SAMMSON: variants seen among roughly 807,000 people sequenced by gnomAD.
SAMMSON encodes the protein long intergenic non-protein coding RNA 1212.
At chr3:70,119,378 T>C (rs896844956) in intron 4 of SAMMSON, among the ~76,000 whole-genome samples, 1 of 152,214 alleles carries the variant, frequency 6.6e-6, no homozygotes, top group Non-Finnish European at 1.5e-5. Context: ...GCTACTCTTA[T>C]TACATACAGT....
intron 6 of SAMMSON, among the ~76,000 whole-genome samples, chr3:70,278,771 G>A (rs72628621): frequency 0.065 from 9,871 of 152,012 alleles, 716 homozygotes; most frequent in East Asian, 0.35. Flanking sequence ...GTAATAACTA[G>A]GAGGCCTTAA....
Position 70,171,645 on chromosome 3 carries a change from C to T in SAMMSON, n.508-77462C>T, listed in dbSNP as rs138618946. On this transcript the variant is annotated intron_variant and non_coding_transcript_variant, in intron 4 of 9. Transcript: ENST00000642114. ...GGGGGAGCTTGACTCCCAGTTTTTA[C>T]TCAAATATGAATTATCTTCATTAAT... Among the ~76,000 whole-genome samples, 24 of 151,874 alleles carry T rather than the reference C, an allele frequency of 1.6e-4. 2 individuals carry two copies. The highest frequency in any genetic ancestry group is 4.8e-4 in the African/African-American group (20 of 41,488).
chr3:70,242,689 G>T (rs1407090727), intron 4 of SAMMSON, among the ~76,000 whole-genome samples: 2 of 152,164 alleles, frequency 1.3e-5, no homozygotes, highest in Non-Finnish European at 2.9e-5. Context: ...ATCTATCGAA[G>T]ATAGCAACTT....
chr3:70,149,587 C>T (rs2067563180), intron 4 of SAMMSON, among the ~76,000 whole-genome samples: 1 of 152,068 alleles, frequency 6.6e-6, no homozygotes, highest in African/African-American at 2.4e-5. Context: ...CTGATGCAAG[C>T]TAAGGTTTGG....
intron 7 of SAMMSON, among the ~76,000 whole-genome samples, chr3:70,350,498 T>G (rs1702786493): frequency 6.6e-6 from 1 of 152,100 alleles, no homozygotes; most frequent in African/African-American, 2.4e-5. Context: ...CATGAACCCT[T>G]TATGATACAA....
intron 4 of SAMMSON, among the ~76,000 whole-genome samples, chr3:70,079,248 C>A (rs2067259405): frequency 6.6e-6 from 1 of 152,176 alleles, no homozygotes; most frequent in Non-Finnish European, 1.5e-5. Flanking sequence ...GTGCTGGAAT[C>A]ACCCAAAACT....
intron 7 of SAMMSON, among the ~76,000 whole-genome samples, chr3:70,301,000 A>T (rs55857676): frequency 0.21 from 31,268 of 151,950 alleles, 3,398 homozygotes; most frequent in South Asian, 0.28. Context: ...CCCTTGGAAA[A>T]GTGAACTCCT....
intron 3 of SAMMSON, among the ~76,000 whole-genome samples, chr3:70,016,008 G>T (rs1227258293): frequency 6.6e-6 from 1 of 152,292 alleles, no homozygotes; most frequent in Non-Finnish European, 1.5e-5. Flanking sequence ...GTTGTGAATA[G>T]TGCCGCAATA....
chr3:70,177,676 C>T (rs1355781157), intron 4 of SAMMSON, among the ~76,000 whole-genome samples: 1 of 152,138 alleles, frequency 6.6e-6, no homozygotes, highest in Non-Finnish European at 1.5e-5. Context: ...AATTGCTTTA[C>T]ATGCACAATC....
chr3:70,429,667 T>A (rs1701398264), intron 2 of SAMMSON, among the ~76,000 whole-genome samples: 1 of 152,222 alleles, frequency 6.6e-6, no homozygotes, highest in Non-Finnish European at 1.5e-5. Flanking sequence ...TAGTTCTCTT[T>A]GAAGAGGTCC....
At chr3:70,299,151 G>A (rs1382562717) in intron 7 of SAMMSON, among the ~76,000 whole-genome samples, 1 of 152,046 alleles carries the variant, frequency 6.6e-6, no homozygotes, top group Non-Finnish European at 1.5e-5. Context: ...ATAGGTAATT[G>A]GTTACATATA....
intron 9 of SAMMSON, among the ~76,000 whole-genome samples, chr3:70,366,016 C>G (rs1161101768): frequency 5.8e-5 from 1 of 17,232 alleles, no homozygotes; most frequent in Non-Finnish European, 1.2e-4. Flanking sequence ...CGGAGTCTCG[C>G]TCTGTCGCCC....
intron 1 of SAMMSON, among the ~76,000 whole-genome samples, chr3:70,007,512 T>A (rs2066932769): frequency 6.6e-6 from 1 of 152,166 alleles, no homozygotes; most frequent in Non-Finnish European, 1.5e-5. Context: ...TCATGTAACT[T>A]TGTTTGAGTT....
rs35434435 is a variant in SAMMSON, at chr3:70,080,692, GT to G, written n.507+9140del. ...ACATAATTCTCCAATCCCTGACTCC[GT>G]TTTTTTTTTTTTAACCAAATAATTT... On this transcript the variant is annotated intron_variant and non_coding_transcript_variant, in intron 4 of 9. Transcript: ENST00000642114. Among the ~76,000 whole-genome samples the G allele has an allele frequency of 5.2e-3, 718 of 139,206 alleles. 2 individuals carry two copies. Among genetic ancestry groups the G allele is most frequent in the East Asian group, 0.011 (53 of 4,772 alleles). 91.3% of individuals were successfully genotyped at this position (139,206 alleles called of 152,430 possible). A position where few individuals can be genotyped will look rare whatever the true frequency, so the allele number is the denominator to read the frequency against.
intron 9 of SAMMSON, among the ~76,000 whole-genome samples, chr3:70,375,402 GTT>G (rs79379255): frequency 2.5e-3 from 328 of 133,534 alleles, no homozygotes; most frequent in African/African-American, 5.6e-3. Context: ...GTTTTTTGTT[GTT>G]TTTTTTTTTT....
intron 4 of SAMMSON, among the ~76,000 whole-genome samples, chr3:70,158,826 T>C (rs1360682473): frequency 6.6e-6 from 1 of 152,054 alleles, no homozygotes; most frequent in African/African-American, 2.4e-5. Flanking sequence ...GCTATTCTAA[T>C]ATAGGGGACC....
intron 7 of SAMMSON, among the ~76,000 whole-genome samples, chr3:70,348,596 A>C (rs1702769888): frequency 1.3e-5 from 2 of 152,158 alleles, no homozygotes; most frequent in Non-Finnish European, 2.9e-5. Flanking sequence ...AAATACTATC[A>C]CATTGGAGAC....
chr3:70,208,775 A>G (rs772503469), intron 4 of SAMMSON, among the ~76,000 whole-genome samples: 46 of 152,200 alleles, frequency 3.0e-4, no homozygotes, highest in Non-Finnish European at 4.7e-4. Flanking sequence ...CTGGTAATAC[A>G]CAACTGTCTT....
In SAMMSON at chr3:70,167,856, C is replaced by T. The variant is rs573506265; in HGVS notation, n.508-81251C>T. Among the ~76,000 whole-genome samples the T allele has an allele frequency of 6.6e-5, 10 of 151,940 alleles. No homozygotes were observed. The South Asian group carries it at 2.1e-3, about 32-fold the overall frequency. On this transcript the variant is annotated intron_variant and non_coding_transcript_variant, in intron 4 of 9. Coordinates refer to ENST00000642114, the Ensembl canonical transcript of SAMMSON. ...AGCCTGTGGTCATCGCAGGTGGTGC[C>T]GATGCTGTCCTTATCACTGAATTTG...
Sources: gnomAD v4.1 joint callset for allele counts (sites outside exome capture counted in the v4.1 genomes callset) on GRCh38, gnomAD v4.1.1 for gene constraint, MANE v1.5 for transcripts, NCBI Gene and HGNC (gene_info 2026-07-23, HGNC 2026-07-21) for gene names.